The following PCM1 variants were observed in gnomAD, a reference collection of about 807,000 sequenced individuals.
PCM1 encodes pericentriolar material 1 protein.
PCM1 carries 157 observed loss-of-function variants against 241.9 expected under a neutral mutation model. The ratio of observed to expected loss-of-function variants is 0.65; its 90% CI spans 0.57 to 0.74. The LOEUF is 0.74. PCM1 is among the 30% of genes least tolerant of loss of function. The pLI is 0.00. For missense variants in PCM1, 3,478 were observed against 2,360.1 expected, an observed-to-expected ratio of 1.47 and a Z score of -9.81; for synonymous variants, 1,085 against 784.9, an observed-to-expected ratio of 1.38 and a Z score of -6.39.
At chr8:17,957,100 G>T (rs2068883660) in intron 11 of PCM1, among the ~76,000 whole-genome samples, 164 bp from the exon 12 acceptor site, 1 of 152,158 alleles carries the variant, frequency 6.6e-6, no homozygotes, top group African/African-American at 2.4e-5. Flanking sequence ...TAGCACATAT[G>T]CAGAAGTTAA....
intron 24 of PCM1, 94 bp from the exon 25 acceptor site, chr8:17,985,353 A>G (rs939649752): frequency 1.3e-6 from 1 of 750,826 alleles, no homozygotes. Flanking sequence ...GAATTTTTAG[A>G]TAATTTAAAG....
At chr8:17,992,019 C>T (rs190766509) in intron 28 of PCM1, among the ~76,000 whole-genome samples, 39 of 152,310 alleles carry the variant, frequency 2.6e-4, no homozygotes, top group Admixed American at 1.2e-3. Flanking sequence ...CAGATGGCTG[C>T]AAATGCCATT....
intron 5 of PCM1, 68 bp from the exon 6 acceptor site, chr8:17,939,623 C>A: frequency 1.3e-6 from 1 of 798,602 alleles, no homozygotes; most frequent in Non-Finnish European, 1.8e-6. Flanking sequence ...TGCTATTGAA[C>A]TAATTATCCT....
chr8:17,973,821 C>T (rs527976960), intron 23 of PCM1, among the ~76,000 whole-genome samples: 3 of 152,004 alleles, frequency 2.0e-5, no homozygotes, highest in Non-Finnish European at 2.9e-5. Flanking sequence ...CTTGGAAGTT[C>T]ACAACACATA....
In PCM1 at chr8:17,967,108, C is replaced by G. The variant is rs1393880990; in HGVS notation, c.3350C>G (p.Pro1117Arg). Reference protein sequence around the residue: ...SPSLFCPFSFPTQPVNLFNIP... With the variant: ...SPSLFCPFSFRTQPVNLFNIP... ...AGTTTATTTTGTCCTTTCAGCTTTC[C>G]AACACAGCCTGTAAATCTCTTCAAT... Residue 1117 changes from proline (P) to arginine (R), a missense_variant, in exon 21 of 39, where the codon CCA becomes CGA. Physicochemically the swap from Pro to Arg is moderately radical, Grantham distance 103. Coordinates refer to ENST00000325083, the MANE Select transcript of PCM1 (RefSeq NM_006197.4). 1 of 1,607,190 alleles carries G rather than the reference C, an allele frequency of 6.2e-7. No individual in the cohort carries two copies. Among genetic ancestry groups the G allele is most frequent in the African/African-American group, 1.3e-5 (1 of 74,842 alleles).
chr8:18,022,334 A>C (rs923883591), intron 36 of PCM1, among the ~76,000 whole-genome samples: 1 of 152,246 alleles, frequency 6.6e-6, no homozygotes, highest in Admixed American at 6.5e-5. Context: ...AAAATGTTCA[A>C]ACTTTTGTTG....
chr8:17,969,582 A>C lies in PCM1; in HGVS notation c.3418A>C (p.Asn1140His). 1 of 1,598,534 alleles carries C rather than the reference A, an allele frequency of 6.3e-7. No homozygotes were observed. Among genetic ancestry groups the C allele is most frequent in the Non-Finnish European group, 8.5e-7 (1 of 1,172,158 alleles). ...CCATTGCTTTTACTGATTAGGTATG[A>C]ATTTCAGCCCTTTATTTCCTTCTAA... ...TNFSSFAPGMNFSPLFPSNFG... is the reference protein window; with the variant it reads ...TNFSSFAPGMHFSPLFPSNFG... The change falls in exon 22 of 39, where the codon AAT (asparagine) becomes CAT (histidine). Residue 1140 changes from asparagine to histidine, a missense_variant. Asn to His is a moderately conservative substitution (Grantham distance 68, BLOSUM62 1). Transcript: ENST00000325083.
chr8:17,949,436 G>A (rs1262757956), intron 7 of PCM1, among the ~76,000 whole-genome samples: 1 of 150,858 alleles, frequency 6.6e-6, no homozygotes, highest in African/African-American at 2.4e-5. Context: ...GTTCTCAGTG[G>A]AAAAAAGGTA....
rs1371772356 is a variant in PCM1, at chr8:17,960,527, G to GTTTTTGTTTTT, written c.2322+88_2322+89insGTTTTTTTTTT. 1.5e-3 allele frequency: 627 copies of GTTTTTGTTTTT among 412,770 alleles called. 7 individuals are homozygous for GTTTTTGTTTTT. The highest frequency in any genetic ancestry group is 0.013 in the East Asian group (255 of 19,784). The allele number at this position is 412,770 out of a possible 1,614,324, so 25.6% of individuals were successfully genotyped here. A position where few individuals can be genotyped will look rare whatever the true frequency, so the allele number is the denominator to read the frequency against. On this transcript the variant is annotated intron_variant, in intron 15 of 38. Coordinates refer to ENST00000325083, the MANE Select transcript of PCM1 (RefSeq NM_006197.4). ...ACTGAAAGTACTCTTTTTTGTTTTT[G>GTTTTTGTTTTT]TTTTTCTTTTTTTTTGAGGCAGAGT...
chr8:18,005,692 G>T (rs1182324078), intron 29 of PCM1, among the ~76,000 whole-genome samples: 2 of 152,076 alleles, frequency 1.3e-5, no homozygotes, highest in African/African-American at 4.8e-5. Context: ...AAGTTAGGGG[G>T]TGATGTTAAC....
chr8:18,010,817 C>G (rs1438378430), intron 32 of PCM1, 149 bp downstream of exon 32: 3 of 585,736 alleles, frequency 5.1e-6, no homozygotes, highest in African/African-American at 3.8e-5. Flanking sequence ...CCCGTCCATA[C>G]TAAAAATACA....
Position 18,006,077 on chromosome 8 carries a change from C to A in PCM1, c.4828-186C>A, listed in dbSNP as rs1053227111. ...CGTGGGTCAAAATTGCCAAACCTCTCAATACGTATGAATAAAGTAGGAGTT... is the reference window on the plus strand; with the variant it reads ...CGTGGGTCAAAATTGCCAAACCTCTAAATACGTATGAATAAAGTAGGAGTT... On this transcript the variant is annotated intron_variant, in intron 29 of 38. Coordinates refer to ENST00000325083, the MANE Select transcript of PCM1 (RefSeq NM_006197.4). The A allele has an allele frequency of 1.3e-4, 69 of 520,692 alleles. No homozygotes were observed. The South Asian group carries it at 1.6e-3, about 12-fold the overall frequency. The allele number at this position is 520,692 out of a possible 1,614,324, so 32.3% of individuals were successfully genotyped here. A position where few individuals can be genotyped will look rare whatever the true frequency, so the allele number is the denominator to read the frequency against.
Position 17,966,159 on chromosome 8 carries a change from C to G in PCM1, c.3016C>G (p.Leu1006Val). The G allele has an allele frequency of 1.2e-6, 2 of 1,613,878 alleles. No individual in the cohort carries two copies. Among genetic ancestry groups the G allele is most frequent in the Non-Finnish European group, 8.5e-7 (1 of 1,179,826 alleles). ...KEQWQEQINQ[L>V]KKQLDFSVSI... Reference sequence around the variant, plus strand: ...ACAATGGCAAGAACAAATCAATCAGCTAAAGAAACAGCTTGATTTTAGTGT... The same window carrying G: ...ACAATGGCAAGAACAAATCAATCAGGTAAAGAAACAGCTTGATTTTAGTGT... Residue 1006 changes from leucine (L) to valine (V), a missense_variant, in exon 19 of 39, where the codon CTA becomes GTA. Leu to Val is a conservative substitution (Grantham distance 32, BLOSUM62 1). Transcript: ENST00000325083.
At chr8:17,940,066 G>GA in intron 6 of PCM1, 1 of 1,578,572 alleles carries the variant, frequency 6.3e-7, no homozygotes, top group Non-Finnish European at 8.6e-7. Flanking sequence ...GGAGGAGGAT[G>GA]TTCGGACTAT....
intron 23 of PCM1, among the ~76,000 whole-genome samples, chr8:17,975,483 G>T (rs1373137808): frequency 2.0e-5 from 3 of 152,064 alleles, no homozygotes; most frequent in African/African-American, 7.2e-5. Context: ...ATATCTTAAA[G>T]GAAGTGGTAA....
At chr8:17,939,060 C>G in intron 5 of PCM1, 51 bp downstream of exon 5, 1 of 1,585,266 alleles carries the variant, frequency 6.3e-7, no homozygotes, top group South Asian at 1.1e-5. Flanking sequence ...CTCAAAATAC[C>G]AACAGTAAGG....
chr8:17,993,440 A>C, intron 28 of PCM1, 43 bp from the exon 29 acceptor site: 1 of 1,416,146 alleles, frequency 7.1e-7, no homozygotes, highest in South Asian at 1.4e-5. Context: ...ATGTATATAT[A>C]ATAGGCTTTG....
At chr8:17,930,513 TA>T (rs1355441210) in intron 2 of PCM1, among the ~76,000 whole-genome samples, 13 of 152,262 alleles carry the variant, frequency 8.5e-5, no homozygotes, top group African/African-American at 3.1e-4. Context: ...TTTAGGTGGT[TA>T]AAGAGGTTGA....
intron 36 of PCM1, among the ~76,000 whole-genome samples, chr8:18,020,046 C>T (rs901960671): frequency 4.6e-5 from 7 of 152,132 alleles, no homozygotes; most frequent in Non-Finnish European, 8.8e-5. Context: ...AAATCTCTGT[C>T]CCAGAGCTTT....
Sources: gnomAD v4.1 joint callset for allele counts (sites outside exome capture counted in the v4.1 genomes callset) on GRCh38, gnomAD v4.1.1 for gene constraint, MANE v1.5 for transcripts, NCBI Gene and HGNC (gene_info 2026-07-23, HGNC 2026-07-21) for gene names.